ERCC8: variants seen among roughly 807,000 people sequenced by gnomAD.
ERCC8 encodes the protein ERCC excision repair 8, CSA ubiquitin ligase complex subunit, also known as DNA excision repair protein ERCC-8.
Under a neutral mutation model 54.9 loss-of-function variants are expected in ERCC8, and 52 were observed. The ratio of observed to expected loss-of-function variants is 0.95; its 90% CI spans 0.76 to 1.19. ERCC8 has a LOEUF of 1.19. Among genes scored for constraint, ERCC8 ranks in the 50% most tolerant of loss-of-function variants. The probability of loss-of-function intolerance (pLI) is 0.00; values close to 1 mark genes in which losing one functional copy is unlikely to be tolerated. For synonymous variants in ERCC8, 146 were observed against 157.2 expected (o/e 0.93, Z 0.53); for missense variants, 514 against 466.1 (o/e 1.10, Z -0.95).
chr5:60,904,630 G>GTA (rs1453923345), intron 5 of ERCC8, among the ~76,000 whole-genome samples, 162 bp downstream of exon 5: 130 of 44,424 alleles, frequency 2.9e-3, no homozygotes, highest in East Asian at 7.5e-3. Flanking sequence ...TAGTGTGTGT[G>GTA]TGTGTATATA....
At chr5:60,932,561 T>C (rs2112537200) in intron 1 of ERCC8, among the ~76,000 whole-genome samples, 1 of 152,334 alleles carries the variant, frequency 6.6e-6, no homozygotes, top group East Asian at 1.9e-4. Context: ...GCTAAAGGAA[T>C]AGAGTGTGTC....
Position 60,922,129 on chromosome 5 carries a change from A to ACAC in ERCC8, c.197_199dup (p.Gly66dup). ...GTTCTCAAGGTCATAAAGTACAATCACACCATCTGAACCACCTGATAACAT... is the reference window on the plus strand; with the variant it reads ...GTTCTCAAGGTCATAAAGTACAATCACACCACCATCTGAACCACCTGATAACAT... On this transcript the variant is annotated inframe_insertion, in exon 3 of 12. Transcript: ENST00000676185. 6.2e-7 allele frequency: 1 copy of ACAC among 1,609,720 alleles called. No homozygotes were observed. The highest frequency in any genetic ancestry group is 8.5e-7 in the Non-Finnish European group (1 of 1,176,920).
Position 60,943,067 on chromosome 5 carries a change from T to C in ERCC8, c.77+1865A>G, listed in dbSNP as rs573253809. Among the ~76,000 whole-genome samples, 180 of 152,066 alleles carry C rather than the reference T, an allele frequency of 1.2e-3. 1 individual carries two copies. Among genetic ancestry groups the C allele is most frequent in the African/African-American group, 4.1e-3 (172 of 41,486 alleles). On this transcript the variant is annotated intron_variant, in intron 1 of 11. Transcript: ENST00000676185. ...AGGAGGATCACTTCAGCCCAGGAGT[T>C]CAAGACCAGAATGGGAAACATAGGG...
In ERCC8 at chr5:60,918,278, G is replaced by C; in HGVS notation, c.386C>G (p.Thr129Arg). The change falls in exon 4 of 12, where the codon ACA becomes AGA. Residue 129 changes from threonine (T) to arginine (R), a missense_variant. Transcript: ENST00000676185. ...TAATGTACTTACTTGTAATGTATTT[G>C]TATCCCATACTTTCAGAGTTTTATC... ...SFDKTLKVWDTNTLQTADVFN... is the reference protein window; with the variant it reads ...SFDKTLKVWDRNTLQTADVFN... The C allele has an allele frequency of 4.4e-6, 7 of 1,597,156 alleles. No homozygotes were observed. Among genetic ancestry groups the C allele is most frequent in the Non-Finnish European group, 6.0e-6 (7 of 1,165,292 alleles).
intron 9 of ERCC8, chr5:60,892,610 G>C (rs147414474): frequency 3.0e-6 from 2 of 670,842 alleles, no homozygotes; most frequent in East Asian, 3.0e-5. Context: ...GGTACCCAGA[G>C]AGAAGGTAAT....
At chr5:60,944,598 T>C (rs1750367522) in intron 1 of ERCC8, among the ~76,000 whole-genome samples, 1 of 152,068 alleles carries the variant, frequency 6.6e-6, no homozygotes, top group Admixed American at 6.5e-5. Flanking sequence ...AATGAACGAG[T>C]CCGTGGAGGG....
intron 1 of ERCC8, among the ~76,000 whole-genome samples, chr5:60,932,531 A>G (rs906903441): frequency 3.3e-5 from 5 of 152,206 alleles, no homozygotes; most frequent in African/African-American, 1.2e-4. Context: ...GACATTTCAC[A>G]TATGTTGTCA....
intron 2 of ERCC8, among the ~76,000 whole-genome samples, chr5:60,922,962 T>C (rs1317375735): frequency 6.6e-6 from 1 of 152,118 alleles, no homozygotes; most frequent in Admixed American, 6.6e-5. Flanking sequence ...ATGTGAAGGA[T>C]GATTCAAAGT....
At chr5:60,937,035 T>C (rs894612932) in intron 1 of ERCC8, among the ~76,000 whole-genome samples, 4 of 152,158 alleles carry the variant, frequency 2.6e-5, no homozygotes, top group Non-Finnish European at 4.4e-5. Flanking sequence ...ACTGCAGTGA[T>C]TGTTATTTCT....
intron 4 of ERCC8, among the ~76,000 whole-genome samples, chr5:60,906,067 C>T (rs1333443366): frequency 6.6e-6 from 1 of 152,122 alleles, no homozygotes; most frequent in African/African-American, 2.4e-5. Context: ...AGGCCAATCT[C>T]AGGTTCTACA....
intron 11 of ERCC8, among the ~76,000 whole-genome samples, chr5:60,879,456 G>A (rs1481704354): frequency 2.0e-5 from 3 of 152,158 alleles, no homozygotes; most frequent in African/African-American, 4.8e-5. Context: ...TCTGTCTAAT[G>A]TTGACAGTGG....
chr5:60,928,770 T>A, intron 2 of ERCC8, 94 bp downstream of exon 2: 1 of 723,952 alleles, frequency 1.4e-6, no homozygotes, highest in Non-Finnish European at 2.4e-6. Context: ...TTTCATTAAT[T>A]TTAATGAAAC....
At chr5:60,918,731 G>A (rs1580023837) in intron 3 of ERCC8, 1 of 317,922 alleles carries the variant, frequency 3.1e-6, no homozygotes, top group East Asian at 7.8e-5. Context: ...AGCTGTTTTG[G>A]TTTTGGATTT....
rs535557723 is a variant in ERCC8 at position 60,944,641 on chromosome 5, G to T, written c.77+291C>A. 5.9e-5 allele frequency among the ~76,000 whole-genome samples: 9 copies of T among 152,064 alleles called. No homozygotes were observed. In the South Asian group the frequency reaches 1.9e-3, roughly 32 times the overall value. The stretch of plus-strand genomic sequence containing the variant: ...TCTTTGGAGTAACTTAAGAGAGAAG[G>T]AATACAGTACAACGAAGTATTCTTA... On this transcript the variant is annotated intron_variant, in intron 1 of 11. Transcript: ENST00000676185.
rs1228859625 is a variant in ERCC8 at position 60,874,582 on chromosome 5, T to G, written c.*33A>C. 6.2e-7 allele frequency: 1 copy of G among 1,600,168 alleles called. No individual in the cohort carries two copies. The highest frequency in any genetic ancestry group is 8.6e-7 in the Non-Finnish European group (1 of 1,168,376). Reference sequence around the variant, plus strand: ...AAAACACAGTCTCATTTAAAAAGTTTCAGCAGAGACAAAAAGGTACTAAAG... The same window carrying G: ...AAAACACAGTCTCATTTAAAAAGTTGCAGCAGAGACAAAAAGGTACTAAAG... On this transcript the variant is annotated 3_prime_UTR_variant, in exon 12 of 12. Transcript: ENST00000676185.
chr5:60,896,280 G>C (rs766970981), intron 9 of ERCC8, among the ~76,000 whole-genome samples: 1 of 152,122 alleles, frequency 6.6e-6, no homozygotes, highest in Non-Finnish European at 1.5e-5. Context: ...GCAATGGCGC[G>C]ATCTCGGCTC....
At chr5:60,880,850 CCTT>C (rs1748193262) in intron 11 of ERCC8, among the ~76,000 whole-genome samples, 1 of 152,122 alleles carries the variant, frequency 6.6e-6, no homozygotes, top group Non-Finnish European at 1.5e-5. Context: ...CGTCTGAAGC[CCTT>C]TTTTCTCAAC....
chr5:60,918,405 A>G lies in ERCC8; in HGVS notation c.276-17T>C, dbSNP rs1749503344. The G allele has an allele frequency of 6.2e-7, 1 of 1,605,744 alleles. No homozygotes were observed. The highest frequency in any genetic ancestry group is 1.7e-5 in the Admixed American group (1 of 59,790). ...GGATGATCTCTACAAAACAGCAATCAAAATTTACATTAACTGACTTATGTG... is the reference window on the plus strand; with the variant it reads ...GGATGATCTCTACAAAACAGCAATCGAAATTTACATTAACTGACTTATGTG... On this transcript the variant is annotated splice_polypyrimidine_tract_variant and intron_variant, in intron 3 of 11. Coordinates refer to ENST00000676185, the MANE Select transcript of ERCC8 (RefSeq NM_000082.4).
At chr5:60,899,604 T>G in intron 8 of ERCC8, 23 bp downstream of exon 8, 1 of 1,514,258 alleles carries the variant, frequency 6.6e-7, no homozygotes, top group East Asian at 2.3e-5. Context: ...CATTGTCATA[T>G]TTATTAATGC....
Sources: allele counts gnomAD v4.1 joint callset (sites outside exome capture counted in the v4.1 genomes callset), GRCh38; gene constraint gnomAD v4.1.1; transcripts MANE v1.5; gene names NCBI Gene and HGNC (gene_info 2026-07-23, HGNC 2026-07-21).